TMPRSS9: variants seen among roughly 807,000 people sequenced by gnomAD.
The protein encoded by TMPRSS9 is transmembrane serine protease 9, also known as transmembrane protease serine 9.
TMPRSS9 carries 113 observed loss-of-function variants against 111.4 expected under a neutral mutation model. The observed-to-expected ratio is 1.01, with a 90% confidence interval of 0.87 to 1.19. TMPRSS9 has a LOEUF of 1.19. Ranked by LOEUF, TMPRSS9 falls within the 50% of genes most tolerant of loss-of-function variation. The pLI, the probability that TMPRSS9 is intolerant of heterozygous loss-of-function variation, is 0.00. For missense variants in TMPRSS9, 1,803 were observed against 1,513.1 expected (o/e 1.19, Z -3.18); for synonymous variants, 805 against 659.1 (o/e 1.22, Z -3.39).
At position 2,416,240 on chromosome 19, in the gene TMPRSS9, C is replaced by CA. The variant is rs1198872978; in HGVS notation, c.1746-292dup. ...GCAACAGAGCGAGACCCTGTCTCAA[C>CA]AAAAAAGAGACTCATAAAGCTGTAG... is the stretch of plus-strand genomic sequence containing the variant. On this transcript the variant is annotated intron_variant, in intron 11 of 17. Transcript: ENST00000648592. The CA allele has an allele frequency of 3.0e-5, 14 of 461,496 alleles. No homozygotes were observed. In the Admixed American group the frequency reaches 4.5e-4, roughly 15 times the overall value. The allele number at this position is 461,496 out of a possible 1,614,324, so 28.6% of individuals were successfully genotyped here. A position where few individuals can be genotyped will look rare whatever the true frequency, so the allele number is the denominator to read the frequency against.
At chr19:2,418,246 C>A (rs1190258892) in intron 13 of TMPRSS9, 108 bp downstream of exon 14, 1 of 1,381,748 alleles carries the variant, frequency 7.2e-7, no homozygotes, top group Non-Finnish European at 9.9e-7. Flanking sequence ...TTCTTTCCTT[C>A]CCCCCCTCCT....
At chr19:2,386,378 G>C (rs1355241298), upstream of TMPRSS9, among the ~76,000 whole-genome samples, 2 of 151,890 alleles carry the variant, frequency 1.3e-5, no homozygotes, top group Non-Finnish European at 2.9e-5. Context: ...GGTGGCGGGC[G>C]CCTGTAGTCC....
In TMPRSS9 at chr19:2,410,400, C is replaced by T. The variant is rs760824194; in HGVS notation, c.1254+6C>T. ...GGAAGGTGGACTCCTGCCAGGTGAGCCCCCGATGCCCCAGACCCCAGAAAA... is the reference window on the plus strand; with the variant it reads ...GGAAGGTGGACTCCTGCCAGGTGAGTCCCCGATGCCCCAGACCCCAGAAAA... On this transcript the variant is annotated splice_donor_region_variant and intron_variant, in intron 9 of 17. Coordinates refer to ENST00000648592, the Ensembl canonical transcript of TMPRSS9. 2.5e-6 allele frequency: 4 copies of T among 1,613,252 alleles called. No homozygotes were observed. Among genetic ancestry groups the T allele is most frequent in the Non-Finnish European group, 3.4e-6 (4 of 1,179,846 alleles).
Position 2,415,447 on chromosome 19 carries a change from GTTTC to G in TMPRSS9, c.1574-216_1574-213del, listed in dbSNP as rs564550827. Among the ~76,000 whole-genome samples the G allele has an allele frequency of 5.9e-3, 897 of 152,196 alleles. 5 individuals are homozygous for G. The highest frequency in any genetic ancestry group is 0.01 in the Non-Finnish European group (688 of 67,998). ...CCTCGGGCTGACTGGGCCGCTGTAT[GTTTC>G]TTTCTTAACTTCTGTCCCCGAAGCG... On this transcript the variant is annotated intron_variant, in intron 10 of 17. Coordinates refer to ENST00000648592, the Ensembl canonical transcript of TMPRSS9.
At chr19:2,413,605 C>A in intron 9 of TMPRSS9, 95 bp from the exon 11 acceptor site, 3 of 1,378,874 alleles carry the variant, frequency 2.2e-6, no homozygotes, top group South Asian at 2.6e-5. Flanking sequence ...GAGGTCCTGG[C>A]TGTCCCAGCT....
At chr19:2,385,179 C>G (rs1338458444), upstream of TMPRSS9, among the ~76,000 whole-genome samples, 39 of 9,936 alleles carry the variant, frequency 3.9e-3, no homozygotes, top group Non-Finnish European at 6.6e-3. Flanking sequence ...TCGCGGGGGG[C>G]GGGGCTCGCG....
At chr19:2,364,933 C>T (rs928314050) in intron 1 of TMPRSS9, among the ~76,000 whole-genome samples, 3 of 151,022 alleles carry the variant, frequency 2.0e-5, no homozygotes, top group East Asian at 3.9e-4. Flanking sequence ...GAGCCAGGAT[C>T]GCGCCACTGC....
exon 8 of TMPRSS9, chr19:2,408,605 C>G: frequency 6.2e-7 from 1 of 1,612,686 alleles, no homozygotes; most frequent in Non-Finnish European, 8.5e-7. Context: ...TGATCTCAGG[C>G]TGGGGCTACC....
At chr19:2,405,886 C>A (rs1251284231) in intron 7 of TMPRSS9, among the ~76,000 whole-genome samples, 2 of 145,054 alleles carry the variant, frequency 1.4e-5, no homozygotes, top group African/African-American at 2.6e-5. Flanking sequence ...TTAGTAGAGA[C>A]GGGGTTTCAC....
intron 1 of TMPRSS9, among the ~76,000 whole-genome samples, chr19:2,371,100 T>C (rs1211039357): frequency 2.0e-5 from 3 of 152,198 alleles, no homozygotes; most frequent in Non-Finnish European, 4.4e-5. Context: ...GCGAAGGCTC[T>C]GAGCCCACAG....
chr19:2,367,132 A>G (rs966570691), intron 1 of TMPRSS9, among the ~76,000 whole-genome samples: 1 of 152,184 alleles, frequency 6.6e-6, no homozygotes, highest in African/African-American at 2.4e-5. Context: ...CTTCTGGTAT[A>G]TTCTATTCAT....
chr19:2,418,287 C>T (rs1971309525), intron 13 of TMPRSS9, 149 bp downstream of exon 14: 1 of 773,668 alleles, frequency 1.3e-6, no homozygotes, highest in Admixed American at 3.0e-5. Context: ...CTTTTCCTTT[C>T]CTCCTTTCCT....
At chr19:2,372,184 G>A (rs1970296492) in intron 1 of TMPRSS9, among the ~76,000 whole-genome samples, 1 of 152,084 alleles carries the variant, frequency 6.6e-6, no homozygotes, top group African/African-American at 2.4e-5. Context: ...GTATCTTGGT[G>A]CGCAGTTCAG....
intron 15 of TMPRSS9, among the ~76,000 whole-genome samples, 189 bp from the exon 17 acceptor site, chr19:2,424,813 A>G (rs901234542): frequency 1.3e-5 from 2 of 151,962 alleles, no homozygotes; most frequent in Admixed American, 6.6e-5. Flanking sequence ...TTAGGTGGTG[A>G]CGGCTGCAGT....
chr19:2,401,652 G>T (rs1017336269), intron 4 of TMPRSS9, among the ~76,000 whole-genome samples: 2 of 151,966 alleles, frequency 1.3e-5, no homozygotes, highest in Middle Eastern at 3.4e-3. Flanking sequence ...CTGTCGCCCA[G>T]GCTGGAGTAC....
exon 11 of TMPRSS9, chr19:2,415,768 G>C: frequency 6.2e-7 from 1 of 1,610,530 alleles, no homozygotes; most frequent in Non-Finnish European, 8.5e-7. Context: ...CCTGAAGGAA[G>C]GGTCCCGGCA....
At chr19:2,403,389 T>G (rs745632332) in intron 6 of TMPRSS9, among the ~76,000 whole-genome samples, 194 bp downstream of exon 7, 39 of 151,968 alleles carry the variant, frequency 2.6e-4, no homozygotes, top group Non-Finnish European at 1.8e-4. Flanking sequence ...AAAGGAAAAG[T>G]GCAGGTGTGT....
rs1568181896 is a variant in TMPRSS9 at position 2,405,437 on chromosome 19, CG to C, written c.739del (p.Glu247SerfsTer86). 4 of 1,607,878 alleles carry C rather than the reference CG, an allele frequency of 2.5e-6. No individual in the cohort carries two copies. The highest frequency in any genetic ancestry group is 1.7e-5 in the Admixed American group (1 of 58,722). ...ATCGTGGGCGGCATGGAAGCATCCC[CG>C]GGGGAGTTTCCGTGGCAAGCCAGCC... On this transcript the variant is annotated frameshift_variant, in exon 7 of 18. Transcript: ENST00000648592. LOFTEE classifies it high-confidence loss of function.
chr19:2,412,677 G>A (rs190116507), intron 9 of TMPRSS9, among the ~76,000 whole-genome samples: 14 of 152,210 alleles, frequency 9.2e-5, no homozygotes, highest in East Asian at 5.8e-4. Flanking sequence ...TCAGCCTCTC[G>A]TGAGTCTTCA....
Sources: gnomAD v4.1 joint callset for allele counts (sites outside exome capture counted in the v4.1 genomes callset) on GRCh38, gnomAD v4.1.1 for gene constraint, MANE v1.5 for transcripts, NCBI Gene and HGNC (gene_info 2026-07-23, HGNC 2026-07-21) for gene names.